Variants in CEP85L observed in about 807,000 individuals in gnomAD.
CEP85L encodes centrosomal protein of 85 kDa-like.
Under a neutral mutation model 100.3 loss-of-function variants are expected in CEP85L, and 60 were observed. That is an observed-to-expected ratio of 0.60 (90% CI 0.49 to 0.74). CEP85L has a LOEUF of 0.74. Among genes scored for constraint, CEP85L ranks in the 30% least tolerant of loss-of-function variants. The pLI is 0.00. For synonymous variants in CEP85L, 319 were observed against 322.7 expected, an observed-to-expected ratio of 0.99 and a Z score of 0.12; for missense variants, 973 against 936.2, an observed-to-expected ratio of 1.04 and a Z score of -0.51.
At chr6:118,481,635 A>G (rs745483316) in intron 8 of CEP85L, 144 bp downstream of exon 8, 4 of 469,070 alleles carry the variant, frequency 8.5e-6, no homozygotes, top group Non-Finnish European at 1.4e-5. Context: ...CCCTGGTCAC[A>G]GGCAGTTTGG....
At chr6:118,530,629 C>A (rs1304540942) in intron 3 of CEP85L, among the ~76,000 whole-genome samples, 2 of 152,166 alleles carry the variant, frequency 1.3e-5, no homozygotes, top group African/African-American at 4.8e-5. Context: ...CCCATAGTTT[C>A]TCTCCAAAAG....
At chr6:118,612,078 C>T (rs57161631) in intron 2 of CEP85L, among the ~76,000 whole-genome samples, 4,111 of 152,084 alleles carry the variant, frequency 0.027, 190 homozygotes, top group African/African-American at 0.093. Flanking sequence ...ATATACCATA[C>T]GGTGGGCCCT....
intron 1 of CEP85L, among the ~76,000 whole-genome samples, chr6:118,699,044 A>G (rs1777310272): frequency 6.6e-6 from 1 of 152,174 alleles, no homozygotes; most frequent in Non-Finnish European, 1.5e-5. Flanking sequence ...GCTTATTAGA[A>G]TGCATTTGTG....
At chr6:118,671,092 C>G (rs1318642466) in intron 1 of CEP85L, among the ~76,000 whole-genome samples, 1 of 152,072 alleles carries the variant, frequency 6.6e-6, no homozygotes, top group Non-Finnish European at 1.5e-5. Flanking sequence ...AGAAATTGCT[C>G]TCTGGTTTCA....
intron 2 of CEP85L, among the ~76,000 whole-genome samples, chr6:118,591,508 C>T (rs1174843525): frequency 6.6e-6 from 1 of 152,146 alleles, no homozygotes; most frequent in Non-Finnish European, 1.5e-5. Context: ...ACCAATCAGA[C>T]GTCTGCATAG....
At chr6:118,507,173 A>G (rs965135988) in intron 5 of CEP85L, among the ~76,000 whole-genome samples, 1 of 152,266 alleles carries the variant, frequency 6.6e-6, no homozygotes, top group Non-Finnish European at 1.5e-5. Context: ...TTTCTCCTCT[A>G]AACAGATCCT....
intron 1 of CEP85L, chr6:118,647,158 T>G (rs1775254789): frequency 1.5e-6 from 1 of 676,364 alleles, no homozygotes; most frequent in Non-Finnish European, 1.8e-6. Context: ...TTATTAGTTG[T>G]AACCATACCA....
intron 6 of CEP85L, among the ~76,000 whole-genome samples, chr6:118,485,011 G>C (rs1365244945): frequency 6.6e-6 from 1 of 152,110 alleles, no homozygotes; most frequent in Admixed American, 6.5e-5. Context: ...TATGGTAACC[G>C]AACACTTATG....
At chr6:118,614,160 G>T (rs1437209385) in intron 2 of CEP85L, among the ~76,000 whole-genome samples, 1 of 152,014 alleles carries the variant, frequency 6.6e-6, no homozygotes, top group Non-Finnish European at 1.5e-5. Flanking sequence ...AAAAAAAATT[G>T]ACAACATCTA....
intron 2 of CEP85L, among the ~76,000 whole-genome samples, chr6:118,582,148 A>C (rs1372158959): frequency 6.6e-6 from 1 of 152,090 alleles, no homozygotes; most frequent in Non-Finnish European, 1.5e-5. Flanking sequence ...TCATACTATC[A>C]GCTCCTCCAG....
chr6:118,678,973 A>C (rs1007014591), intron 1 of CEP85L, among the ~76,000 whole-genome samples: 4 of 152,050 alleles, frequency 2.6e-5, no homozygotes, highest in African/African-American at 9.7e-5. Flanking sequence ...CCCACTCTTT[A>C]CTCCCTGTTG....
intron 2 of CEP85L, among the ~76,000 whole-genome samples, chr6:118,619,403 T>C (rs1773291628): frequency 6.6e-6 from 1 of 152,192 alleles, no homozygotes; most frequent in Non-Finnish European, 1.5e-5. Context: ...ATCCCTTATG[T>C]ACAGGCTTTC....
intron 1 of CEP85L, among the ~76,000 whole-genome samples, chr6:118,662,581 A>G (rs910490237): frequency 2.6e-5 from 4 of 152,034 alleles, no homozygotes; most frequent in African/African-American, 9.7e-5. Flanking sequence ...TCTCCATTTC[A>G]TAGATGAGGC....
chr6:118,505,973 A>G (rs1484721957), intron 5 of CEP85L, among the ~76,000 whole-genome samples: 2 of 152,160 alleles, frequency 1.3e-5, no homozygotes, highest in Non-Finnish European at 2.9e-5. Context: ...GGGGAGGTTG[A>G]GCACGTGTGA....
At chr6:118,576,843 C>T (rs553890516) in intron 2 of CEP85L, among the ~76,000 whole-genome samples, 44 of 152,240 alleles carry the variant, frequency 2.9e-4, no homozygotes, top group African/African-American at 8.2e-4. Context: ...CATTGAAACA[C>T]GGTACCAAGA....
rs1385644412 is a variant in CEP85L at position 118,462,125 on chromosome 6, C to A, written c.*3280G>T. 6.6e-6 allele frequency: 1 copy of A among 151,860 alleles called. No homozygotes were observed. The highest frequency in any genetic ancestry group is 2.4e-5 in the African/African-American group (1 of 41,402). The allele number at this position is 151,860 out of a possible 1,614,324, so 9.4% of individuals were successfully genotyped here. On this transcript the variant is annotated 3_prime_UTR_variant, in exon 13 of 13. Coordinates refer to ENST00000368491, the MANE Select transcript of CEP85L (RefSeq NM_001042475.3). ...CATTCATTTTAGCAACACTTTCCAGCCCTTGAGATTGTCTCTACAACAAGC... is the reference window on the plus strand; with the variant it reads ...CATTCATTTTAGCAACACTTTCCAGACCTTGAGATTGTCTCTACAACAAGC...
At chr6:118,682,925 T>C (rs551654296) in intron 1 of CEP85L, among the ~76,000 whole-genome samples, 7 of 152,280 alleles carry the variant, frequency 4.6e-5, no homozygotes, top group African/African-American at 1.7e-4. Context: ...TATGTCTTTC[T>C]TGAAGTTCCT....
At chr6:118,704,543 A>G (rs1207100565) in intron 1 of CEP85L, among the ~76,000 whole-genome samples, 1 of 152,148 alleles carries the variant, frequency 6.6e-6, no homozygotes, top group Non-Finnish European at 1.5e-5. Context: ...ATCTCTGCTC[A>G]CTGCATCCTC....
intron 1 of CEP85L, among the ~76,000 whole-genome samples, chr6:118,673,965 T>C (rs1776395506): frequency 6.6e-6 from 1 of 152,208 alleles, no homozygotes; most frequent in Admixed American, 6.5e-5. Context: ...ACCAACAAGA[T>C]TCAAAAGAAC....
Sources: gnomAD v4.1 joint callset for allele counts (sites outside exome capture counted in the v4.1 genomes callset) on GRCh38, gnomAD v4.1.1 for gene constraint, MANE v1.5 for transcripts, NCBI Gene and HGNC (gene_info 2026-07-23, HGNC 2026-07-21) for gene names.